Variants in EYA4 observed in about 807,000 individuals in gnomAD.
EYA4 encodes protein phosphatase EYA4.
EYA4 carries 31 observed loss-of-function variants against 87.9 expected under a neutral mutation model. The observed-to-expected ratio is 0.35, with a 90% CI of 0.27 to 0.48. The LOEUF is 0.48. Among genes scored for constraint, EYA4 ranks in the 20% least tolerant of loss-of-function variants. The pLI is 0.99. For synonymous variants in EYA4, 263 were observed against 270.6 expected (o/e 0.97, Z 0.28); for missense variants, 678 against 761.4 (o/e 0.89, Z 1.29).
intron 1 of EYA4, among the ~76,000 whole-genome samples, chr6:133,268,031 T>C (rs781231085): frequency 7.2e-5 from 11 of 152,196 alleles, no homozygotes; most frequent in Non-Finnish European, 1.0e-4. Flanking sequence ...GGGCATTGAA[T>C]ATGTATACAA....
intron 13 of EYA4, among the ~76,000 whole-genome samples, chr6:133,495,150 T>G (rs1159598789): frequency 1.3e-5 from 2 of 151,884 alleles, no homozygotes; most frequent in African/African-American, 4.8e-5. Flanking sequence ...GCACCTGTAA[T>G]GCCAGCTACT....
intron 3 of EYA4, among the ~76,000 whole-genome samples, chr6:133,444,924 T>C (rs937367796): frequency 4.6e-5 from 7 of 152,214 alleles, no homozygotes; most frequent in African/African-American, 1.7e-4. Context: ...TTGGAGTGTT[T>C]AGTCCATTGA....
intron 18 of EYA4, 131 bp downstream of exon 18, chr6:133,523,308 A>G: frequency 1.1e-6 from 1 of 913,468 alleles, no homozygotes; most frequent in South Asian, 1.4e-5. Flanking sequence ...AAAGTCCCCT[A>G]CAACTCATTG....
chr6:133,316,036 C>T (rs1272188803), intron 2 of EYA4, among the ~76,000 whole-genome samples: 1 of 152,104 alleles, frequency 6.6e-6, no homozygotes, highest in Non-Finnish European at 1.5e-5. Flanking sequence ...TAGGGCATCC[C>T]GCAGACCCTG....
intron 3 of EYA4, among the ~76,000 whole-genome samples, chr6:133,390,809 T>C (rs1339718768): frequency 6.6e-6 from 1 of 152,130 alleles, no homozygotes; most frequent in African/African-American, 2.4e-5. Context: ...ATCATTTCAT[T>C]AGAGGGATAG....
chr6:133,391,222 G>GTTTTTTTTTTTTTTTTTTTTTT (rs531819011), intron 3 of EYA4, among the ~76,000 whole-genome samples: 1 of 89,826 alleles, frequency 1.1e-5, no homozygotes, highest in African/African-American at 3.3e-5. Context: ...TTTTGTTTTT[G>GTTTTTTTTTTTTTTTTTTTTTT]TTTTTTTTTT....
chr6:133,422,757 T>C (rs1231304288), intron 3 of EYA4, among the ~76,000 whole-genome samples: 1 of 152,210 alleles, frequency 6.6e-6, no homozygotes, highest in Non-Finnish European at 1.5e-5. Context: ...TAAACACAAT[T>C]GGTAGAATAT....
intron 2 of EYA4, among the ~76,000 whole-genome samples, chr6:133,303,055 C>A (rs1779533965): frequency 1.3e-5 from 2 of 152,120 alleles, no homozygotes; most frequent in African/African-American, 4.8e-5. Flanking sequence ...AACTTTATTT[C>A]CAAACGCAAA....
At chr6:133,483,719 ATTATTATT>A (rs754632963) in intron 13 of EYA4, among the ~76,000 whole-genome samples, 85 of 118,810 alleles carry the variant, frequency 7.2e-4, no homozygotes, top group Non-Finnish European at 1.3e-3. Flanking sequence ...TATTATTATT[ATTATTATT>A]ATTATTATTA....
intron 14 of EYA4, among the ~76,000 whole-genome samples, chr6:133,507,776 T>G (rs1798774894): frequency 6.6e-6 from 1 of 152,240 alleles, no homozygotes; most frequent in Admixed American, 6.5e-5. Context: ...AGTCTATCAT[T>G]GATGGGCATT....
At chr6:133,425,275 A>G (rs1185399423) in intron 3 of EYA4, among the ~76,000 whole-genome samples, 1 of 150,808 alleles carries the variant, frequency 6.6e-6, no homozygotes, top group East Asian at 2.0e-4. Flanking sequence ...ATAGGTATTC[A>G]GTAAGTAGGT....
At chr6:133,388,492 T>A (rs1005495208) in intron 3 of EYA4, among the ~76,000 whole-genome samples, 1 of 151,818 alleles carries the variant, frequency 6.6e-6, no homozygotes, top group Non-Finnish European at 1.5e-5. Flanking sequence ...TTCCAGTAGC[T>A]CATTGGGAAC....
At chr6:133,268,021 G>T (rs1776366915) in intron 1 of EYA4, among the ~76,000 whole-genome samples, 1 of 152,090 alleles carries the variant, frequency 6.6e-6, no homozygotes, top group Admixed American at 6.5e-5. Context: ...TAAATAGTTT[G>T]GGCATTGAAT....
At chr6:133,386,493 A>G (rs1394677732) in intron 3 of EYA4, among the ~76,000 whole-genome samples, 3 of 152,212 alleles carry the variant, frequency 2.0e-5, no homozygotes, top group Non-Finnish European at 2.9e-5. Flanking sequence ...AGTAGTCCCT[A>G]TAACACACAA....
chr6:133,245,309 T>G (rs1396782583), intron 1 of EYA4: 2 of 152,178 alleles, frequency 1.3e-5, no homozygotes, highest in African/African-American at 4.8e-5. Context: ...TAGGAGACGT[T>G]TTGAATCCTC....
rs1300708388 is a variant in EYA4 at position 133,530,197 on chromosome 6, C to G, written c.*1392C>G. 17 of 985,204 alleles carry G rather than the reference C, an allele frequency of 1.7e-5. No homozygotes were observed. In the South Asian group the frequency reaches 5.6e-4, roughly 33 times the overall value. The allele number at this position is 985,204 out of a possible 1,614,324, so 61.0% of individuals were successfully genotyped here. A position where few individuals can be genotyped will look rare whatever the true frequency, so the allele number is the denominator to read the frequency against. On this transcript the variant is annotated 3_prime_UTR_variant, in exon 20 of 20. Transcript: ENST00000355286. ...CTGAAATGACAACAGTAAAATAATA[C>G]CTGGTTCTCCATCTGAATACATCAA...
intron 10 of EYA4, among the ~76,000 whole-genome samples, chr6:133,467,553 A>G (rs1794957888): frequency 6.6e-6 from 1 of 152,082 alleles, no homozygotes; most frequent in South Asian, 2.1e-4. Flanking sequence ...AGTAGTGGGA[A>G]ACATTGGATC....
chr6:133,349,913 T>G (rs1431764800), intron 2 of EYA4, among the ~76,000 whole-genome samples: 3 of 152,118 alleles, frequency 2.0e-5, no homozygotes, highest in Non-Finnish European at 4.4e-5. Context: ...AGAGCTCTAG[T>G]AAAAGAAGTA....
intron 2 of EYA4, among the ~76,000 whole-genome samples, chr6:133,376,072 G>A (rs541634514): frequency 5.3e-5 from 8 of 151,814 alleles, no homozygotes; most frequent in Non-Finnish European, 1.2e-4. Flanking sequence ...CAACAAAGCC[G>A]ACAAGTCTAA....
Sources: gnomAD v4.1 joint callset for allele counts (sites outside exome capture counted in the v4.1 genomes callset) on GRCh38, gnomAD v4.1.1 for gene constraint, MANE v1.5 for transcripts, NCBI Gene and HGNC (gene_info 2026-07-23, HGNC 2026-07-21) for gene names.